IQGAP2: variants seen among roughly 807,000 people sequenced by gnomAD.
IQGAP2 encodes the protein IQ motif containing GTPase activating protein 2, also known as ras GTPase-activating-like protein IQGAP2.
IQGAP2 carries 173 observed loss-of-function variants against 201.3 expected under a neutral mutation model. The ratio of observed to expected loss-of-function variants is 0.86; its 90% CI spans 0.76 to 0.98. The LOEUF (loss-of-function observed/expected upper bound fraction) is 0.98. IQGAP2 is among the 50% of genes least tolerant of loss of function. The probability of loss-of-function intolerance (pLI) is 0.00; values close to 1 mark genes in which losing one functional copy is unlikely to be tolerated. For synonymous variants in IQGAP2, 675 were observed against 673.9 expected, an observed-to-expected ratio of 1.00 and a Z score of -0.03; for missense variants, 1,687 against 1,864.8, an observed-to-expected ratio of 0.90 and a Z score of 1.76.
At chr5:76,505,082 G>C (rs893573386) in intron 2 of IQGAP2, among the ~76,000 whole-genome samples, 2 of 152,196 alleles carry the variant, frequency 1.3e-5, no homozygotes, top group African/African-American at 2.4e-5. Context: ...AGTGTCTAGG[G>C]GGGTAAGCTC....
At chr5:76,622,840 C>T (rs1003572376) in intron 13 of IQGAP2, among the ~76,000 whole-genome samples, 2 of 152,082 alleles carry the variant, frequency 1.3e-5, no homozygotes, top group African/African-American at 2.4e-5. Context: ...AGAAAAAGTG[C>T]CATCTTTGCT....
chr5:76,693,198 T>C (rs944499352), intron 30 of IQGAP2, among the ~76,000 whole-genome samples, 157 bp from the exon 31 acceptor site: 1 of 152,268 alleles, frequency 6.6e-6, no homozygotes, highest in Admixed American at 6.5e-5. Context: ...AGGAGCCTTA[T>C]AGCAGACCTG....
intron 22 of IQGAP2, among the ~76,000 whole-genome samples, chr5:76,668,449 A>C (rs901526514): frequency 2.6e-5 from 4 of 151,680 alleles, no homozygotes; most frequent in Admixed American, 6.6e-5. Context: ...TAAAGTAGAA[A>C]GTTATATAAT....
intron 2 of IQGAP2, among the ~76,000 whole-genome samples, chr5:76,525,376 A>G (rs1035894099): frequency 6.6e-6 from 1 of 152,194 alleles, no homozygotes; most frequent in Non-Finnish European, 1.5e-5. Flanking sequence ...CTAATTTAGG[A>G]CTTAAAATCT....
chr5:76,512,822 C>T (rs545744967), intron 2 of IQGAP2, among the ~76,000 whole-genome samples: 2 of 152,176 alleles, frequency 1.3e-5, no homozygotes, highest in Admixed American at 6.5e-5. Context: ...TTTGGGAGGC[C>T]GAGGCAGGCA....
intron 17 of IQGAP2, among the ~76,000 whole-genome samples, chr5:76,652,330 A>G (rs1203992735): frequency 6.6e-6 from 1 of 152,242 alleles, no homozygotes. Context: ...ACAGTGGGCC[A>G]CGTGTTGTGG....
At chr5:76,693,471 A>T in intron 31 of IQGAP2, 29 bp downstream of exon 31, 1 of 1,336,366 alleles carries the variant, frequency 7.5e-7, no homozygotes, top group Non-Finnish European at 1.1e-6. Flanking sequence ...TAAAATAATA[A>T]TAGACAGGTG....
Position 76,436,818 on chromosome 5 carries a change from G to A in IQGAP2, c.47-24752G>A, listed in dbSNP as rs77451825. Among the ~76,000 whole-genome samples, 84 of 151,326 alleles carry A rather than the reference G, an allele frequency of 5.6e-4. No individual in the cohort carries two copies. In the East Asian group the frequency reaches 0.014, roughly 25 times the overall value. On this transcript the variant is annotated intron_variant, in intron 1 of 35. Coordinates refer to ENST00000274364, the MANE Select transcript of IQGAP2 (RefSeq NM_006633.5). ...GTTGGGATTACAGGCATGAGCCACC[G>A]TGCCTGGCCAATCGTATGGTTTTGT...
At chr5:76,690,937 G>T (rs1314136730) in intron 30 of IQGAP2, among the ~76,000 whole-genome samples, 1 of 152,144 alleles carries the variant, frequency 6.6e-6, no homozygotes, top group Non-Finnish European at 1.5e-5. Context: ...CTCACAGAAG[G>T]CTTTAGATCT....
At chr5:76,477,117 C>T (rs1261089353) in intron 2 of IQGAP2, among the ~76,000 whole-genome samples, 1 of 152,078 alleles carries the variant, frequency 6.6e-6, no homozygotes, top group East Asian at 1.9e-4. Context: ...GGTAGATTGC[C>T]TCAGCCCAGG....
intron 1 of IQGAP2, among the ~76,000 whole-genome samples, chr5:76,412,888 T>C (rs1376543315): frequency 1.3e-5 from 2 of 152,192 alleles, no homozygotes; most frequent in Non-Finnish European, 2.9e-5. Context: ...CTGTAAAATG[T>C]AAGTGGAAAA....
At chr5:76,705,557 C>T (rs1747804431) in intron 35 of IQGAP2, among the ~76,000 whole-genome samples, 1 of 152,186 alleles carries the variant, frequency 6.6e-6, no homozygotes, top group Non-Finnish European at 1.5e-5. Context: ...TTCCACTAGA[C>T]TTTGTTTAAC....
Position 76,674,376 on chromosome 5 carries a change from T to C in IQGAP2, c.3295-101T>C, listed in dbSNP as rs1288422099. ...CATCAGAAAATGATCTGCTTTCTCT[T>C]GGGAAATGTAGGAGAATATATATCT... On this transcript the variant is annotated intron_variant, in intron 26 of 35. Coordinates refer to ENST00000274364, the MANE Select transcript of IQGAP2 (RefSeq NM_006633.5). 4.9e-5 allele frequency: 33 copies of C among 673,046 alleles called. No individual in the cohort carries two copies. In the South Asian group the frequency reaches 6.6e-4, roughly 13 times the overall value. 41.7% of individuals were successfully genotyped at this position (673,046 alleles called of 1,614,324 possible).
At chr5:76,476,078 C>G (rs1240113410) in intron 2 of IQGAP2, among the ~76,000 whole-genome samples, 3 of 152,064 alleles carry the variant, frequency 2.0e-5, no homozygotes, top group South Asian at 2.1e-4. Flanking sequence ...AATAGAAAGG[C>G]TATAGTCCAA....
At chr5:76,415,959 TG>T (rs994069136) in intron 1 of IQGAP2, among the ~76,000 whole-genome samples, 10 of 124,580 alleles carry the variant, frequency 8.0e-5, no homozygotes, top group Non-Finnish European at 1.5e-4. Flanking sequence ...AAAAAAAAAA[TG>T]TGAAAAGAAA....
At chr5:76,575,224 ATGTG>A (rs10657778) in intron 4 of IQGAP2, among the ~76,000 whole-genome samples, 2 of 151,484 alleles carry the variant, frequency 1.3e-5, no homozygotes, top group Admixed American at 6.6e-5. Context: ...GATTTTTTAA[ATGTG>A]TGTGTGTGTG....
intron 1 of IQGAP2, among the ~76,000 whole-genome samples, chr5:76,424,972 C>A (rs1177306211): frequency 1.3e-5 from 2 of 152,166 alleles, no homozygotes; most frequent in African/African-American, 4.8e-5. Context: ...TGCATGCACG[C>A]AGGATTGATT....
chr5:76,408,606 G>T (rs1287588706), intron 1 of IQGAP2, among the ~76,000 whole-genome samples: 1 of 151,930 alleles, frequency 6.6e-6, no homozygotes, highest in African/African-American at 2.4e-5. Flanking sequence ...GAAACCTCTA[G>T]CTATTTATGC....
At chr5:76,514,011 CTTTTTTTTTTTTTTT>C (rs70982619) in intron 2 of IQGAP2, among the ~76,000 whole-genome samples, 1 of 65,084 alleles carries the variant, frequency 1.5e-5, no homozygotes, top group South Asian at 9.0e-4. Flanking sequence ...TATTTGTTGC[CTTTTTTTTTTTTTTT>C]TTTTTTTTTT....
Sources: gnomAD v4.1 joint callset for allele counts (sites outside exome capture counted in the v4.1 genomes callset) on GRCh38, gnomAD v4.1.1 for gene constraint, MANE v1.5 for transcripts, NCBI Gene and HGNC (gene_info 2026-07-23, HGNC 2026-07-21) for gene names.